The following VPS53 variants were observed in gnomAD, a reference collection of about 807,000 sequenced individuals.
VPS53 encodes VPS53 subunit of GARP complex, also known as vacuolar protein sorting-associated protein 53 homolog.
A neutral mutation model predicts 107.0 loss-of-function variants in VPS53; 70 were observed. That is an observed-to-expected ratio of 0.65 (90% CI 0.54 to 0.80). VPS53 has a LOEUF of 0.80. Ranked by LOEUF, VPS53 falls within the 30% of genes least tolerant of loss-of-function variation. VPS53 has a pLI of 0.00. For missense variants in VPS53, 917 were observed against 1,049.4 expected (o/e 0.87, Z 1.74); for synonymous variants, 409 against 393.3 (o/e 1.04, Z -0.47).
intron 8 of VPS53, among the ~76,000 whole-genome samples, chr17:628,999 C>T (rs756780051): frequency 2.6e-5 from 4 of 152,198 alleles, no homozygotes; most frequent in African/African-American, 4.8e-5. Context: ...AAAAAGAACA[C>T]TTGGAATCTA....
intron 13 of VPS53, among the ~76,000 whole-genome samples, chr17:575,210 C>T (rs559607324): frequency 6.6e-5 from 10 of 152,334 alleles, no homozygotes; most frequent in East Asian, 5.8e-4. Context: ...ACTTTGTAAT[C>T]GGGCATGAAA....
rs1908575423 is a variant in VPS53 at position 519,719 on chromosome 17, C to T, written c.2328+107G>A. The T allele has an allele frequency of 1.2e-6, 1 of 846,494 alleles. No individual in the cohort carries two copies. The highest frequency in any genetic ancestry group is 1.9e-6 in the Non-Finnish European group (1 of 524,072). 52.4% of individuals were successfully genotyped at this position (846,494 alleles called of 1,614,324 possible). A position where few individuals can be genotyped will look rare whatever the true frequency, so the allele number is the denominator to read the frequency against. ...CCGGTTTGCTCTGTGGAGCCAGGCA[C>T]ATGCATTTTGAGAAAGCCCCCCCGG... On this transcript the variant is annotated intron_variant, in intron 21 of 21. Coordinates refer to ENST00000437048, the MANE Select transcript of VPS53 (RefSeq NM_001128159.3). The surrounding 1 kb of genome is among the most constrained non-coding windows in gnomAD (Gnocchi z 5.0).
At chr17:709,392 C>CT (rs1301791318) in intron 2 of VPS53, among the ~76,000 whole-genome samples, 6 of 152,346 alleles carry the variant, frequency 3.9e-5, no homozygotes, top group African/African-American at 1.4e-4. Flanking sequence ...ATACCTGACA[C>CT]TTAGCAGACA....
intron 13 of VPS53, among the ~76,000 whole-genome samples, chr17:570,142 G>A (rs4968083): frequency 0.19 from 28,067 of 151,522 alleles, 2,916 homozygotes; most frequent in Admixed American, 0.3. Flanking sequence ...CAAGGCGGGT[G>A]GATCACCTGA....
chr17:690,233 A>T (rs1972731771), intron 4 of VPS53, among the ~76,000 whole-genome samples: 1 of 152,232 alleles, frequency 6.6e-6, no homozygotes, highest in Non-Finnish European at 1.5e-5. Flanking sequence ...AGTGGGATGA[A>T]ACGAAAGCTG....
intron 1 of VPS53, 60 bp downstream of exon 1, chr17:714,563 C>T (rs1973776320): frequency 6.6e-7 from 1 of 1,523,932 alleles, no homozygotes; most frequent in East Asian, 2.4e-5. Flanking sequence ...CCCCAGCGCC[C>T]GGAGCTGCCG....
At chr17:530,327 T>A (rs1909442096) in intron 19 of VPS53, among the ~76,000 whole-genome samples, 1 of 152,028 alleles carries the variant, frequency 6.6e-6, no homozygotes, top group Non-Finnish European at 1.5e-5. Context: ...CTAATTTTTG[T>A]ATTTTTAGTA....
intron 12 of VPS53, among the ~76,000 whole-genome samples, chr17:596,130 T>C (rs79307320): frequency 6.6e-6 from 1 of 152,250 alleles, no homozygotes; most frequent in African/African-American, 2.4e-5. Context: ...TTTCAAAATA[T>C]AAAGTTTTTT....
chr17:701,063 C>T (rs1353579066), intron 2 of VPS53, among the ~76,000 whole-genome samples: 3 of 152,170 alleles, frequency 2.0e-5, no homozygotes, highest in Non-Finnish European at 2.9e-5. Context: ...ATGGCTCATG[C>T]CTGTAATCCC....
At chr17:651,242 C>G (rs1340240213) in intron 7 of VPS53, among the ~76,000 whole-genome samples, 2 of 152,208 alleles carry the variant, frequency 1.3e-5, no homozygotes, top group African/African-American at 4.8e-5. Flanking sequence ...ACAATTACCA[C>G]CTCTGAGGAC....
chr17:519,995 C>A lies in VPS53; in HGVS notation c.2224-65G>T, dbSNP rs775856679. 1.6e-6 allele frequency: 2 copies of A among 1,216,824 alleles called. No individual in the cohort carries two copies. The highest frequency in any genetic ancestry group is 3.0e-5 in the African/African-American group (2 of 66,270). The allele number at this position is 1,216,824 out of a possible 1,614,324, so 75.4% of individuals were successfully genotyped here. On this transcript the variant is annotated intron_variant, in intron 20 of 21. Transcript: ENST00000437048. This position sits in a 1 kb window ranked among gnomAD's most constrained non-coding sequence, Gnocchi z 5.0. ...CTACCACCACGGGAGGAGACAGGAG[C>A]GGGCCCTCAAGAAAACTCACTACCC...
intron 7 of VPS53, among the ~76,000 whole-genome samples, chr17:640,217 T>G (rs902398398): frequency 6.6e-6 from 1 of 152,296 alleles, no homozygotes; most frequent in Admixed American, 6.5e-5. Context: ...AGATATAATC[T>G]CCTGGTGTGC....
chr17:588,852 G>A (rs1316848054), intron 12 of VPS53, among the ~76,000 whole-genome samples: 1 of 152,164 alleles, frequency 6.6e-6, no homozygotes, highest in African/African-American at 2.4e-5. Flanking sequence ...AAGGATCTAT[G>A]ATGGAGGATG....
At chr17:703,573 A>T (rs1287168618) in intron 2 of VPS53, among the ~76,000 whole-genome samples, 1 of 152,164 alleles carries the variant, frequency 6.6e-6, no homozygotes, top group Non-Finnish European at 1.5e-5. Flanking sequence ...AGAATCACTC[A>T]TCTCGTTTAG....
intron 2 of VPS53, among the ~76,000 whole-genome samples, chr17:707,301 C>T (rs1433923243): frequency 6.6e-6 from 1 of 152,152 alleles, no homozygotes; most frequent in African/African-American, 2.4e-5. Context: ...GCGGGCGGAT[C>T]ACCTGAGGTC....
intron 19 of VPS53, among the ~76,000 whole-genome samples, chr17:531,541 G>T (rs1909545453): frequency 6.6e-6 from 1 of 151,562 alleles, no homozygotes; most frequent in South Asian, 2.1e-4. Flanking sequence ...GTCTTACTCT[G>T]TTGCCCAGGC....
At chr17:561,620 A>AATTT (rs886382578) in intron 14 of VPS53, among the ~76,000 whole-genome samples, 11 of 152,030 alleles carry the variant, frequency 7.2e-5, no homozygotes, top group African/African-American at 1.2e-4. Context: ...GATTATACAT[A>AATTT]ATTTATTTAT....
chr17:662,865 G>GGAAC (rs1971525317), intron 4 of VPS53, among the ~76,000 whole-genome samples: 1 of 82,684 alleles, frequency 1.2e-5, no homozygotes, highest in Non-Finnish European at 3.0e-5. Context: ...AAGGAAGGAA[G>GGAAC]GAAGGAACGA....
At position 586,361 on chromosome 17, in the gene VPS53, T is replaced by C; in HGVS notation, c.1222A>G (p.Lys408Glu). ...GGATTGTCTGGGGCTTTAGGCTTCT[T>C]TGGCTGTAAAAACAAAGAAAAATAA... ...ATEKGDLDQPKKPKAPDNPFH... is the reference protein window; with the variant it reads ...ATEKGDLDQPEKPKAPDNPFH... Residue 408 changes from lysine (K) to glutamate (E), a missense_variant, in exon 13 of 22, where the codon AAG becomes GAG. Coordinates refer to ENST00000437048, the MANE Select transcript of VPS53 (RefSeq NM_001128159.3). The C allele has an allele frequency of 2.5e-6, 4 of 1,614,064 alleles. No individual in the cohort carries two copies. Among genetic ancestry groups the C allele is most frequent in the Non-Finnish European group, 3.4e-6 (4 of 1,179,950 alleles).
Sources: allele counts gnomAD v4.1 joint callset (sites outside exome capture counted in the v4.1 genomes callset), GRCh38; gene constraint gnomAD v4.1.1; non-coding constraint Gnocchi (gnomAD v3.1); transcripts MANE v1.5; gene names NCBI Gene and HGNC (gene_info 2026-07-23, HGNC 2026-07-21).